The following PLA2G4A variants were observed in gnomAD, a reference collection of about 807,000 sequenced individuals.
PLA2G4A encodes cytosolic phospholipase A2.
Under a neutral mutation model 81.9 loss-of-function variants are expected in PLA2G4A, and 40 were observed. The ratio of observed to expected loss-of-function variants is 0.49; its 90% CI spans 0.38 to 0.64. The LOEUF (loss-of-function observed/expected upper bound fraction) is 0.64, where lower values mean the gene tolerates loss of function less well. PLA2G4A is among the 30% of genes least tolerant of loss of function. PLA2G4A has a pLI of 0.00. For synonymous variants in PLA2G4A, 302 were observed against 296.9 expected, an observed-to-expected ratio of 1.02 and a Z score of -0.18; for missense variants, 715 against 905.1, an observed-to-expected ratio of 0.79 and a Z score of 2.69.
rs956810410 is a variant in PLA2G4A at position 186,950,805 on chromosome 1, A to G, written c.1336+77A>G. The G allele has an allele frequency of 5.0e-6, 4 of 804,614 alleles. No homozygotes were observed. The South Asian group carries it at 5.5e-5, about 11-fold the overall frequency. 49.8% of individuals were successfully genotyped at this position (804,614 alleles called of 1,614,324 possible). On this transcript the variant is annotated intron_variant, in intron 13 of 17. Transcript: ENST00000367466. Reference sequence around the variant, plus strand: ...ACACTCTGTCTGATTTTCTCACTCAAGATGCTGATGGTAATCTTCACTTCA... The same window carrying G: ...ACACTCTGTCTGATTTTCTCACTCAGGATGCTGATGGTAATCTTCACTTCA...
intron 1 of PLA2G4A, among the ~76,000 whole-genome samples, chr1:186,838,895 G>A (rs1651880968): frequency 6.6e-6 from 1 of 152,060 alleles, no homozygotes; most frequent in East Asian, 1.9e-4. Context: ...CCTGCTCTCA[G>A]GATGTATTTC....
chr1:186,877,977 C>A (rs1653567139), intron 3 of PLA2G4A, among the ~76,000 whole-genome samples: 1 of 150,122 alleles, frequency 6.7e-6, no homozygotes, highest in South Asian at 2.1e-4. Flanking sequence ...TTTTACAACA[C>A]CTTTGAGTGA....
In PLA2G4A at chr1:186,907,638, G is replaced by A. The variant is rs1654787731; in HGVS notation, c.416+636G>A. On this transcript the variant is annotated intron_variant, in intron 6 of 17. Transcript: ENST00000367466. Reference sequence around the variant, plus strand: ...CTGCATCTCTTTGAACTTCCCTGTTGAACTTGATTTGACCAAAGTTATTAG... The same window carrying A: ...CTGCATCTCTTTGAACTTCCCTGTTAAACTTGATTTGACCAAAGTTATTAG... Among the ~76,000 whole-genome samples, 5 of 152,294 alleles carry A rather than the reference G, an allele frequency of 3.3e-5. No homozygotes were observed. In the South Asian group the frequency reaches 1.0e-3, roughly 32 times the overall value.
chr1:186,897,276 C>A (rs1036165720), intron 5 of PLA2G4A, among the ~76,000 whole-genome samples: 1 of 152,140 alleles, frequency 6.6e-6, no homozygotes, highest in Non-Finnish European at 1.5e-5. Context: ...ATTCCCAGAG[C>A]CCTGCTTTAT....
intron 15 of PLA2G4A, among the ~76,000 whole-genome samples, chr1:186,975,462 A>G (rs955034520): frequency 1.3e-5 from 2 of 152,320 alleles, no homozygotes; most frequent in Admixed American, 6.5e-5. Context: ...TTTTCTCTGA[A>G]TGTAAGCCTG....
chr1:186,979,454 T>C lies in PLA2G4A; in HGVS notation c.2100T>C (p.Asn700=), dbSNP rs1291305292. The change falls in exon 17 of 18, where the codon AAT becomes AAC. Residue 700 remains asparagine, a synonymous_variant. Transcript: ENST00000367466. The part of the protein sequence containing the change: ...FKRLHDLMHF[N]TLNNIDVIKE... ...GACTACATGATCTTATGCACTTCAA[T>C]ACTCTGAACAACATTGATGTAAGTA... 7.5e-6 allele frequency: 12 copies of C among 1,599,036 alleles called. No homozygotes were observed. Among genetic ancestry groups the C allele is most frequent in the Non-Finnish European group, 1.0e-5 (12 of 1,166,354 alleles).
At chr1:186,973,905 C>T (rs1370595812) in intron 15 of PLA2G4A, among the ~76,000 whole-genome samples, 1 of 152,012 alleles carries the variant, frequency 6.6e-6, no homozygotes, top group African/African-American at 2.4e-5. Context: ...ATATGCCATC[C>T]TTCTCCCTAA....
At chr1:186,971,683 C>T (rs760530576) in intron 15 of PLA2G4A, among the ~76,000 whole-genome samples, 2 of 151,722 alleles carry the variant, frequency 1.3e-5, no homozygotes, top group East Asian at 3.9e-4. Context: ...ATATGTATTC[C>T]TAAATTAGTC....
At chr1:186,845,981 G>A (rs1254802217) in intron 1 of PLA2G4A, among the ~76,000 whole-genome samples, 2 of 152,186 alleles carry the variant, frequency 1.3e-5, no homozygotes, top group Non-Finnish European at 2.9e-5. Flanking sequence ...TCAGACTTAA[G>A]AGACTTTGTA....
chr1:186,952,823 A>G (rs1049757431), intron 13 of PLA2G4A, among the ~76,000 whole-genome samples: 2 of 152,012 alleles, frequency 1.3e-5, no homozygotes, highest in East Asian at 1.9e-4. Context: ...GCCTTTTCAG[A>G]TCTTTCACTT....
chr1:186,895,813 G>A (rs1392562148), intron 5 of PLA2G4A, among the ~76,000 whole-genome samples: 2 of 152,188 alleles, frequency 1.3e-5, no homozygotes, highest in South Asian at 2.1e-4. Context: ...AAGACAGGCT[G>A]TTTGGTGTTT....
intron 2 of PLA2G4A, among the ~76,000 whole-genome samples, chr1:186,855,967 A>T (rs1652535339): frequency 6.6e-6 from 1 of 151,908 alleles, no homozygotes; most frequent in African/African-American, 2.4e-5. Flanking sequence ...GGCAATGTAA[A>T]TCCTCCAATT....
At chr1:186,886,928 G>C (rs1264256323) in intron 3 of PLA2G4A, among the ~76,000 whole-genome samples, 1 of 152,090 alleles carries the variant, frequency 6.6e-6, no homozygotes, top group Non-Finnish European at 1.5e-5. Context: ...TTAAGCCCCT[G>C]TTCTTCAAAT....
intron 3 of PLA2G4A, 179 bp downstream of exon 3, chr1:186,870,695 C>A: frequency 6.9e-7 from 1 of 1,449,780 alleles, no homozygotes; most frequent in Non-Finnish European, 9.3e-7. Context: ...TAGCATTTTA[C>A]CTGGGCCTTA....
chr1:186,893,427 T>C (rs1332145076), intron 4 of PLA2G4A, among the ~76,000 whole-genome samples: 1 of 152,192 alleles, frequency 6.6e-6, no homozygotes, highest in Non-Finnish European at 1.5e-5. Context: ...AGAATCCCAG[T>C]ATAACAGAAT....
At chr1:186,954,650 G>A (rs1047726045) in intron 13 of PLA2G4A, among the ~76,000 whole-genome samples, 2 of 91,316 alleles carry the variant, frequency 2.2e-5, no homozygotes, top group African/African-American at 9.2e-5. Context: ...AAATTATGAA[G>A]CTGACTATAG....
At chr1:186,901,774 G>C (rs1654548039) in intron 5 of PLA2G4A, among the ~76,000 whole-genome samples, 1 of 152,120 alleles carries the variant, frequency 6.6e-6, no homozygotes, top group Non-Finnish European at 1.5e-5. Flanking sequence ...TGTGGAATGT[G>C]GCCACAGGGA....
chr1:186,956,207 C>G lies in PLA2G4A; in HGVS notation c.1442C>G (p.Thr481Ser). The part of the protein sequence containing the change: ...ALVSDSALFN[T>S]REGRAGKVHN... Reference sequence around the variant, plus strand: ...GTGAGTGATTCAGCTTTATTCAATACCAGAGAAGGACGTGCTGGGAAGGTA... The same window carrying G: ...GTGAGTGATTCAGCTTTATTCAATAGCAGAGAAGGACGTGCTGGGAAGGTA... The change falls in exon 14 of 18, where the codon ACC becomes AGC. Residue 481 changes from threonine (T) to serine (S), a missense_variant. Physicochemically the swap from Thr to Ser is moderately conservative, Grantham distance 58. Coordinates refer to ENST00000367466, the MANE Select transcript of PLA2G4A (RefSeq NM_024420.3). The G allele has an allele frequency of 5.0e-6, 8 of 1,613,804 alleles. No individual in the cohort carries two copies. Among genetic ancestry groups the G allele is most frequent in the Non-Finnish European group, 6.8e-6 (8 of 1,179,786 alleles).
At chr1:186,908,108 T>G (rs1322392311) in intron 6 of PLA2G4A, among the ~76,000 whole-genome samples, 1 of 152,070 alleles carries the variant, frequency 6.6e-6, no homozygotes, top group Non-Finnish European at 1.5e-5. Flanking sequence ...AAAATTCAAT[T>G]TATTCAAAGA....
Sources: allele counts gnomAD v4.1 joint callset (sites outside exome capture counted in the v4.1 genomes callset), GRCh38; gene constraint gnomAD v4.1.1; transcripts MANE v1.5; gene names NCBI Gene and HGNC (gene_info 2026-07-23, HGNC 2026-07-21).